The following FBN1 variants were observed in gnomAD, a reference collection of about 807,000 sequenced individuals.
FBN1 encodes fibrillin-1.
FBN1 carries 29 observed loss-of-function variants against 365.1 expected under a neutral mutation model. The observed-to-expected ratio is 0.08, with a 90% CI of 0.06 to 0.11. The LOEUF (loss-of-function observed/expected upper bound fraction) is 0.11, where lower values mean the gene tolerates loss of function less well. FBN1 is among the 10% of genes least tolerant of loss of function. The pLI is 1.00. For missense variants in FBN1, 2,476 were observed against 3,703.2 expected (o/e 0.67, Z 8.60); for synonymous variants, 1,210 against 1,270.5 (o/e 0.95, Z 1.01).
chr15:48,483,979 A>C, intron 30 of FBN1, 36 bp from the exon 31 acceptor site: 1 of 1,605,280 alleles, frequency 6.2e-7, no homozygotes, highest in Middle Eastern at 1.7e-4. Flanking sequence ...CAGGTTGTTG[A>C]TATTGGTTCC....
Position 48,421,889 on chromosome 15 carries a change from T to C in FBN1, c.7570+63A>G, listed in dbSNP as rs143758528. On this transcript the variant is annotated intron_variant, in intron 61 of 65. Transcript: ENST00000316623. ...TTTCTTATCCCAACAGCAGAGGAAA[T>C]AGAAAATAATCCCTTAAAAGAATCG... 8,307 of 1,368,130 alleles carry C rather than the reference T, an allele frequency of 6.1e-3. 35 individuals carry two copies. Among genetic ancestry groups the C allele is most frequent in the Non-Finnish European group, 7.7e-3 (7,349 of 956,176 alleles). 84.7% of individuals were successfully genotyped at this position (1,368,130 alleles called of 1,614,324 possible). A position where few individuals can be genotyped will look rare whatever the true frequency, so the allele number is the denominator to read the frequency against.
At chr15:48,506,485 C>T (rs1437258980) in intron 15 of FBN1, among the ~76,000 whole-genome samples, 2 of 152,152 alleles carry the variant, frequency 1.3e-5, no homozygotes, top group Non-Finnish European at 2.9e-5. Flanking sequence ...TTCTGGTCAA[C>T]TTTTTATTCA....
At chr15:48,461,420 G>A (rs967521226) in intron 42 of FBN1, among the ~76,000 whole-genome samples, 1 of 152,042 alleles carries the variant, frequency 6.6e-6, no homozygotes, top group Non-Finnish European at 1.5e-5. Flanking sequence ...GGATAAAAAA[G>A]AAAATGCGAG....
intron 44 of FBN1, among the ~76,000 whole-genome samples, chr15:48,453,137 T>G (rs1481459372): frequency 1.3e-5 from 2 of 151,954 alleles, no homozygotes; most frequent in Non-Finnish European, 2.9e-5. Flanking sequence ...GCACCTGCAA[T>G]CCCAGCTACT....
At chr15:48,419,204 A>C (rs891769649) in intron 63 of FBN1, among the ~76,000 whole-genome samples, 2 of 152,116 alleles carry the variant, frequency 1.3e-5, no homozygotes, top group Non-Finnish European at 2.9e-5. Flanking sequence ...CTGACTTCTA[A>C]ATCAACTTGT....
At chr15:48,553,825 A>G (rs182431287) in intron 6 of FBN1, among the ~76,000 whole-genome samples, 1 of 152,322 alleles carries the variant, frequency 6.6e-6, no homozygotes, top group African/African-American at 2.4e-5. Flanking sequence ...TCGTTTATGT[A>G]TAAGATGAGC....
chr15:48,524,322 C>T (rs1338187892), intron 9 of FBN1, among the ~76,000 whole-genome samples: 4 of 152,150 alleles, frequency 2.6e-5, no homozygotes, highest in Non-Finnish European at 4.4e-5. Context: ...GAAATGTGCA[C>T]GGAAGATACT....
chr15:48,618,531 C>G (rs1171670695), intron 2 of FBN1, among the ~76,000 whole-genome samples: 1 of 152,138 alleles, frequency 6.6e-6, no homozygotes, highest in Non-Finnish European at 1.5e-5. Flanking sequence ...GTCCATCTGC[C>G]AGTCACAATG....
chr15:48,582,798 G>A (rs2044405885), intron 6 of FBN1, among the ~76,000 whole-genome samples: 1 of 152,174 alleles, frequency 6.6e-6, no homozygotes, highest in Non-Finnish European at 1.5e-5. Flanking sequence ...CTAGGGATCA[G>A]AGTCCCTGTG....
chr15:48,456,835 A>AGTAC, intron 43 of FBN1, 73 bp from the exon 44 acceptor site: 2 of 1,111,810 alleles, frequency 1.8e-6, no homozygotes, highest in East Asian at 3.1e-5. Context: ...CAAGATGGAA[A>AGTAC]GTGCGTGCGT....
intron 60 of FBN1, among the ~76,000 whole-genome samples, chr15:48,423,244 C>T (rs1188040608): frequency 6.6e-6 from 1 of 152,188 alleles, no homozygotes; most frequent in Non-Finnish European, 1.5e-5. Context: ...ATGCCCTCAC[C>T]ATCTGCACAA....
In FBN1 at chr15:48,469,067, CAAAA is replaced by C. The variant is rs56789154; in HGVS notation, c.4460-537_4460-534del. ...TGGGCGACAGAGCGAGACTCCGTCTCAAAAAAAAAAAAATATATATATATATAAA... is the reference window on the plus strand; with the variant it reads ...TGGGCGACAGAGCGAGACTCCGTCTCAAAAAAAAATATATATATATATAAA... On this transcript the variant is annotated intron_variant, in intron 36 of 65. Coordinates refer to ENST00000316623, the MANE Select transcript of FBN1 (RefSeq NM_000138.5). Among the ~76,000 whole-genome samples, 674 of 90,674 alleles carry C rather than the reference CAAAA, an allele frequency of 7.4e-3. 7 individuals are homozygous for C. Among genetic ancestry groups the C allele is most frequent in the South Asian group, 0.012 (39 of 3,154 alleles). The allele number at this position is 90,674 out of a possible 152,430, so 59.5% of individuals were successfully genotyped here.
intron 37 of FBN1, 57 bp downstream of exon 37, chr15:48,468,355 T>C: frequency 6.2e-7 from 1 of 1,604,640 alleles, no homozygotes; most frequent in African/African-American, 1.3e-5. Flanking sequence ...TGTTTGGTGC[T>C]GTTTTCAAAA....
chr15:48,626,936 A>C (rs1345974989), intron 2 of FBN1, among the ~76,000 whole-genome samples: 1 of 152,202 alleles, frequency 6.6e-6, no homozygotes, highest in Non-Finnish European at 1.5e-5. Flanking sequence ...CCCTATCAAG[A>C]AAATGTATTG....
At chr15:48,594,658 G>C (rs1387063618) in intron 6 of FBN1, among the ~76,000 whole-genome samples, 3 of 152,104 alleles carry the variant, frequency 2.0e-5, no homozygotes, top group African/African-American at 7.2e-5. Context: ...CTTTATTTTA[G>C]ACTGTGTTAT....
At chr15:48,625,013 C>T (rs149442577) in intron 2 of FBN1, among the ~76,000 whole-genome samples, 3 of 152,166 alleles carry the variant, frequency 2.0e-5, no homozygotes, top group Non-Finnish European at 4.4e-5. Flanking sequence ...CAGGAAGAGA[C>T]AGGAAAATCA....
chr15:48,498,062 C>T (rs2141307419), intron 18 of FBN1, among the ~76,000 whole-genome samples: 1 of 147,436 alleles, frequency 6.8e-6, no homozygotes, highest in South Asian at 2.1e-4. Flanking sequence ...CCTCCCTCTT[C>T]TGTACCCTCA....
intron 57 of FBN1, 133 bp downstream of exon 57, chr15:48,428,213 T>C (rs1657630822): frequency 8.7e-7 from 1 of 1,152,292 alleles, no homozygotes; most frequent in South Asian, 1.3e-5. Context: ...CATTACGGCA[T>C]CTCCAAAATA....
At chr15:48,434,054 C>T (rs1333318983) in intron 54 of FBN1, among the ~76,000 whole-genome samples, 2 of 152,194 alleles carry the variant, frequency 1.3e-5, no homozygotes, top group African/African-American at 4.8e-5. Flanking sequence ...TTGAGAGCCA[C>T]TGCTCTAGAC....
Sources: allele counts gnomAD v4.1 joint callset (sites outside exome capture counted in the v4.1 genomes callset), GRCh38; gene constraint gnomAD v4.1.1; transcripts MANE v1.5; gene names NCBI Gene and HGNC (gene_info 2026-07-23, HGNC 2026-07-21).